PCDHA8: variants seen among roughly 807,000 people sequenced by gnomAD.
PCDHA8 encodes protocadherin alpha 8.
In PCDHA8, 53 loss-of-function variants were observed where a neutral mutation model predicts 61.8. The ratio of observed to expected loss-of-function variants is 0.86; its 90% CI spans 0.69 to 1.08. PCDHA8 has a LOEUF of 1.08. Ranked by LOEUF, PCDHA8 falls within the 50% of genes least tolerant of loss-of-function variation. The probability of loss-of-function intolerance (pLI) is 0.00; values close to 1 mark genes in which losing one functional copy is unlikely to be tolerated. For synonymous variants in PCDHA8, 618 were observed against 556.6 expected (o/e 1.11, Z -1.55); for missense variants, 1,293 against 1,245.0 (o/e 1.04, Z -0.58).
chr5:140,844,884 G>A (rs1389205077), intron 1 of PCDHA8, among the ~76,000 whole-genome samples: 2 of 149,232 alleles, frequency 1.3e-5, no homozygotes, highest in South Asian at 2.1e-4. Context: ...ATTAGACTTC[G>A]TGCATATTGC....
Position 140,843,231 on chromosome 5 carries a change from T to C in PCDHA8, c.1910T>C (p.Leu637Pro). The C allele has an allele frequency of 1.9e-6, 3 of 1,596,108 alleles. No homozygotes were observed. The highest frequency in any genetic ancestry group is 1.1e-5 in the South Asian group (1 of 90,496). Reference protein sequence around the residue: ...YTGEISTTRVLDEADSPRHRL... With the variant: ...YTGEISTTRVPDEADSPRHRL... ...GGCGAGATCAGCACCACTCGTGTCC[T>C]GGACGAAGCGGACTCTCCGCGCCAC... The change falls in exon 1 of 4, where the codon CTG becomes CCG. Residue 637 changes from leucine to proline, a missense_variant. Physicochemically the swap from Leu to Pro is moderately conservative, Grantham distance 98. Transcript: ENST00000531613.
chr5:141,008,329 T>C (rs2098370202), intron 3 of PCDHA8, among the ~76,000 whole-genome samples: 1 of 152,192 alleles, frequency 6.6e-6, no homozygotes, highest in Non-Finnish European at 1.5e-5. Context: ...AAACAGTTTA[T>C]TTGATGGAGC....
rs139887265 is a variant in PCDHA8, at chr5:140,849,821, T to C, written c.2394+6106T>C. The C allele has an allele frequency of 1.1e-5, 18 of 1,598,172 alleles. 3 individuals carry two copies. Among genetic ancestry groups the C allele is most frequent in the African/African-American group, 4.0e-5 (3 of 74,350 alleles). ...CACTGTGGGCCACGGCCAGGGTGTCTGTGGAGGTGGCCGACGTGAACGACA... is the reference window on the plus strand; with the variant it reads ...CACTGTGGGCCACGGCCAGGGTGTCCGTGGAGGTGGCCGACGTGAACGACA... On this transcript the variant is annotated intron_variant, in intron 1 of 3. Transcript: ENST00000531613.
chr5:140,919,933 T>C (rs2153555434), intron 1 of PCDHA8, among the ~76,000 whole-genome samples: 1 of 152,222 alleles, frequency 6.6e-6, no homozygotes. Flanking sequence ...AGGTGGGGGC[T>C]AATTCCAGTG....
chr5:140,988,862 T>G (rs1554250483), intron 3 of PCDHA8: 2 of 152,218 alleles, frequency 1.3e-5, no homozygotes, highest in Non-Finnish European at 1.5e-5. Flanking sequence ...CAGTCTCATG[T>G]GCACTCAGAT....
In PCDHA8 at chr5:140,871,299, G is replaced by T. The variant is rs782459625; in HGVS notation, c.2394+27584G>T. On this transcript the variant is annotated intron_variant, in intron 1 of 3. Coordinates refer to ENST00000531613, the MANE Select transcript of PCDHA8 (RefSeq NM_018911.3). The stretch of plus-strand genomic sequence containing the variant: ...CAACGCCCACTGAGGGCGCGTGCGC[G>T]CCGGGGAAGCCCACGCTGGTGTGCT... 1.5e-5 allele frequency: 24 copies of T among 1,613,798 alleles called. No homozygotes were observed. In the East Asian group the frequency reaches 5.3e-4, roughly 36 times the overall value.
chr5:140,909,066 T>G (rs1554193625), intron 1 of PCDHA8, among the ~76,000 whole-genome samples: 1 of 152,200 alleles, frequency 6.6e-6, no homozygotes, highest in African/African-American at 2.4e-5. Flanking sequence ...GTCTCACCAA[T>G]AAGCCCAGTG....
chr5:140,849,672 G>A, intron 1 of PCDHA8: 1 of 1,598,650 alleles, frequency 6.3e-7, no homozygotes, highest in Non-Finnish European at 8.6e-7. Flanking sequence ...GACGCCCCAC[G>A]TCCCCTTCAA....
At position 140,841,649 on chromosome 5, in the gene PCDHA8, G is replaced by A. The variant is rs2150320047; in HGVS notation, c.328G>A (p.Val110Met). 1.6e-5 allele frequency: 26 copies of A among 1,614,166 alleles called. No homozygotes were observed. In the Admixed American group the frequency reaches 3.2e-4, roughly 20 times the overall value. The change falls in exon 1 of 4, where the codon GTG (valine) becomes ATG (methionine). Residue 110 changes from valine (V) to methionine (M), a missense_variant. By Grantham distance (21) the Val-to-Met change is conservative. Transcript: ENST00000531613. ...AECSIHLEVIVDRPLQVFHVD... is the reference protein window; with the variant it reads ...AECSIHLEVIMDRPLQVFHVD... ...GTGCAGCATCCACCTGGAGGTGATCGTGGACAGGCCGCTGCAGGTTTTCCA... is the reference window on the plus strand; with the variant it reads ...GTGCAGCATCCACCTGGAGGTGATCATGGACAGGCCGCTGCAGGTTTTCCA...
intron 3 of PCDHA8, among the ~76,000 whole-genome samples, chr5:141,000,001 T>C (rs2097888294): frequency 6.6e-6 from 1 of 152,030 alleles, no homozygotes; most frequent in African/African-American, 2.4e-5. Flanking sequence ...TGGTATTAGA[T>C]TGGCCTCCCC....
At chr5:140,882,153 AAT>A in intron 1 of PCDHA8, 1 of 1,505,320 alleles carries the variant, frequency 6.6e-7, no homozygotes, top group South Asian at 1.4e-5. Context: ...CAGAAAGCGG[AAT>A]ACCTCTTGCG....
chr5:140,877,161 G>C (rs2056901330), intron 1 of PCDHA8: 1 of 1,613,828 alleles, frequency 6.2e-7, no homozygotes, highest in Non-Finnish European at 8.5e-7. Context: ...ACAACGCGCC[G>C]GCACTGCTGG....
chr5:140,963,927 T>C (rs1439271741), intron 1 of PCDHA8, among the ~76,000 whole-genome samples: 1 of 152,220 alleles, frequency 6.6e-6, no homozygotes, highest in East Asian at 1.9e-4. Context: ...AAGTAACATG[T>C]CCATAGCCAA....
At chr5:140,861,511 T>C in intron 1 of PCDHA8, 1 of 471,158 alleles carries the variant, frequency 2.1e-6, no homozygotes, top group South Asian at 1.7e-5. Flanking sequence ...CTCGAGGAGC[T>C]GTGTGGGAGG....
chr5:140,978,758 C>A (rs925464508), intron 1 of PCDHA8, among the ~76,000 whole-genome samples, 191 bp from the exon 2 acceptor site: 6 of 152,148 alleles, frequency 3.9e-5, no homozygotes, highest in African/African-American at 1.4e-4. Context: ...TGTGTGAGGA[C>A]CCTGATGAAC....
intron 3 of PCDHA8, among the ~76,000 whole-genome samples, chr5:140,986,632 A>T (rs1262339478): frequency 6.6e-6 from 1 of 152,170 alleles, no homozygotes; most frequent in African/African-American, 2.4e-5. Flanking sequence ...AGGCAACAGT[A>T]CATTAGTTTT....
Position 140,856,394 on chromosome 5 carries a change from T to C in PCDHA8, c.2394+12679T>C, listed in dbSNP as rs782124565. On this transcript the variant is annotated intron_variant, in intron 1 of 3. Coordinates refer to ENST00000531613, the MANE Select transcript of PCDHA8 (RefSeq NM_018911.3). The stretch of plus-strand genomic sequence containing the variant: ...GATCGTGGACAGGCCGCTGCAGGTT[T>C]TCCATGTGGACGTGGAAGTGAAGGA... The C allele has an allele frequency of 2.5e-6, 4 of 1,598,384 alleles. No individual in the cohort carries two copies. The African/African-American group carries it at 5.4e-5, about 22-fold the overall frequency.
chr5:140,921,777 C>T (rs1434211783), intron 1 of PCDHA8, among the ~76,000 whole-genome samples: 1 of 152,030 alleles, frequency 6.6e-6, no homozygotes, highest in African/African-American at 2.4e-5. Context: ...TCAATACTGA[C>T]TTGGATGTTC....
intron 3 of PCDHA8, among the ~76,000 whole-genome samples, chr5:140,999,874 T>G (rs897953919): frequency 6.6e-6 from 1 of 152,122 alleles, no homozygotes; most frequent in Admixed American, 6.5e-5. Flanking sequence ...TTACTGAAAA[T>G]TAGCCCAGCT....
Sources: allele counts gnomAD v4.1 joint callset (sites outside exome capture counted in the v4.1 genomes callset), GRCh38; gene constraint gnomAD v4.1.1; transcripts MANE v1.5; gene names NCBI Gene and HGNC (gene_info 2026-07-23, HGNC 2026-07-21).